Variants in KLHL32 observed in about 807,000 individuals in gnomAD.
KLHL32 encodes kelch like family member 32.
In KLHL32, 35 loss-of-function variants were observed where a neutral mutation model predicts 64.8. That is an observed-to-expected ratio of 0.54 (90% CI 0.41 to 0.72). The LOEUF is 0.72. KLHL32 is among the 30% of genes least tolerant of loss of function. KLHL32 has a pLI of 0.00. For synonymous variants in KLHL32, 259 were observed against 281.0 expected (o/e 0.92, Z 0.78); for missense variants, 589 against 768.5 (o/e 0.77, Z 2.76).
chr6:97,031,872 C>T (rs1455349543), intron 3 of KLHL32, among the ~76,000 whole-genome samples: 1 of 152,176 alleles, frequency 6.6e-6, no homozygotes, highest in East Asian at 1.9e-4. Context: ...TGTTTCTCAG[C>T]TCTCGTTTCA....
intron 5 of KLHL32, among the ~76,000 whole-genome samples, chr6:97,084,087 C>A (rs545004899): frequency 6.6e-6 from 1 of 152,206 alleles, no homozygotes; most frequent in Non-Finnish European, 1.5e-5. Flanking sequence ...GTAAGGAGTT[C>A]TTGATACTCT....
intron 3 of KLHL32, among the ~76,000 whole-genome samples, chr6:97,035,304 T>C (rs1206398709): frequency 6.6e-6 from 1 of 152,122 alleles, no homozygotes; most frequent in Non-Finnish European, 1.5e-5. Flanking sequence ...CTTTTTATAT[T>C]GTGTATCCAT....
chr6:97,108,810 T>G (rs1252330423), intron 6 of KLHL32, among the ~76,000 whole-genome samples: 1 of 152,234 alleles, frequency 6.6e-6, no homozygotes, highest in Non-Finnish European at 1.5e-5. Flanking sequence ...AAATGCTACC[T>G]CATCCGTAAT....
the KLHL32 span, among the ~76,000 whole-genome samples, chr6:96,916,197 T>C: frequency 2.6e-5 from 4 of 151,210 alleles, no homozygotes; most frequent in African/African-American, 9.7e-5. Context: ...TTTGCCTTAT[T>C]TGAACACAGT....
intron 2 of KLHL32, among the ~76,000 whole-genome samples, chr6:96,970,424 G>A (rs62413878): frequency 0.067 from 10,205 of 152,252 alleles, 421 homozygotes; most frequent in Middle Eastern, 0.15. Context: ...CGTAGCATTT[G>A]CTGTTCTCCT....
At chr6:97,137,680 A>G (rs910481993) in intron 10 of KLHL32, among the ~76,000 whole-genome samples, 22 of 152,130 alleles carry the variant, frequency 1.4e-4, no homozygotes, top group African/African-American at 5.3e-4. Flanking sequence ...GACTACAGGC[A>G]GCCGCCACCA....
chr6:96,993,832 G>T (rs913486000), intron 3 of KLHL32, among the ~76,000 whole-genome samples: 27 of 152,144 alleles, frequency 1.8e-4, no homozygotes, highest in African/African-American at 6.5e-4. Context: ...CATGAAGAGG[G>T]CCAGCTTGTG....
At chr6:96,972,602 G>A (rs1276658172) in intron 2 of KLHL32, among the ~76,000 whole-genome samples, 1 of 152,158 alleles carries the variant, frequency 6.6e-6, no homozygotes, top group Admixed American at 6.5e-5. Context: ...CCAGTTTTAG[G>A]ATGACACTCA....
intron 3 of KLHL32, among the ~76,000 whole-genome samples, chr6:97,037,105 A>G (rs761177232): frequency 2.7e-4 from 41 of 152,098 alleles, no homozygotes; most frequent in Non-Finnish European, 4.9e-4. Context: ...TATATGTTAA[A>G]TACTCCCAAT....
At chr6:96,921,256 G>A (rs1310546650), upstream of KLHL32, among the ~76,000 whole-genome samples, 1 of 152,150 alleles carries the variant, frequency 6.6e-6, no homozygotes, top group East Asian at 1.9e-4. Context: ...CATGTGACTA[G>A]TTGATTATGT....
intron 3 of KLHL32, among the ~76,000 whole-genome samples, chr6:96,987,013 C>T (rs1777185510): frequency 6.6e-6 from 1 of 152,164 alleles, no homozygotes; most frequent in Admixed American, 6.5e-5. Flanking sequence ...CATCTTGGCT[C>T]CACCCCCCAG....
the KLHL32 span, among the ~76,000 whole-genome samples, chr6:96,912,505 A>G: frequency 6.6e-6 from 1 of 152,100 alleles, no homozygotes; most frequent in East Asian, 1.9e-4. Context: ...TTATCCCTTA[A>G]AATGGCAAAC....
chr6:96,908,283 A>AT, the KLHL32 span, among the ~76,000 whole-genome samples: 1 of 152,244 alleles, frequency 6.6e-6, no homozygotes, highest in South Asian at 2.1e-4. Context: ...GCTGATGTTA[A>AT]TTAACATCAA....
chr6:97,106,246 A>T (rs1319074653), intron 6 of KLHL32, among the ~76,000 whole-genome samples: 1 of 152,126 alleles, frequency 6.6e-6, no homozygotes, highest in Non-Finnish European at 1.5e-5. Context: ...CATATGATTA[A>T]ATTGCATATT....
chr6:97,111,037 G>C (rs370039412), intron 6 of KLHL32, among the ~76,000 whole-genome samples: 1 of 151,886 alleles, frequency 6.6e-6, no homozygotes, highest in Non-Finnish European at 1.5e-5. Context: ...TCTTGGGGGG[G>C]GGGGGTCTTA....
intron 7 of KLHL32, among the ~76,000 whole-genome samples, chr6:97,115,627 T>G (rs1032385371): frequency 6.6e-6 from 1 of 152,204 alleles, no homozygotes; most frequent in Non-Finnish European, 1.5e-5. Flanking sequence ...GTGAGGCATA[T>G]GCTATCAACA....
chr6:97,094,938 C>T (rs1020253928), intron 6 of KLHL32, among the ~76,000 whole-genome samples: 12 of 152,084 alleles, frequency 7.9e-5, no homozygotes, highest in Non-Finnish European at 1.8e-4. Context: ...ATGGATGGTG[C>T]GTTAAAGTTT....
At chr6:96,908,563 A>T in the KLHL32 span, among the ~76,000 whole-genome samples, 1 of 152,234 alleles carries the variant, frequency 6.6e-6, no homozygotes, top group Admixed American at 6.5e-5. Flanking sequence ...CTTATCAAAA[A>T]GCAAGACGAA....
intron 3 of KLHL32, among the ~76,000 whole-genome samples, chr6:97,018,363 G>T (rs1407325205): frequency 6.6e-6 from 1 of 151,788 alleles, no homozygotes; most frequent in African/African-American, 2.4e-5. Context: ...AAGGCAGGCG[G>T]ATCGCCTGAG....
Sources: allele counts gnomAD v4.1 joint callset (sites outside exome capture counted in the v4.1 genomes callset), GRCh38; gene constraint gnomAD v4.1.1; transcripts MANE v1.5; gene names NCBI Gene and HGNC (gene_info 2026-07-23, HGNC 2026-07-21).